MSRA: variants seen among roughly 807,000 people sequenced by gnomAD.
MSRA encodes mitochondrial peptide methionine sulfoxide reductase.
MSRA carries 54 observed loss-of-function variants against 31.3 expected under a neutral mutation model. The observed-to-expected ratio is 1.73, with a 90% CI of 1.39 to 2.17. The LOEUF is 2.17. Among genes scored for constraint, MSRA ranks in the 30% most tolerant of loss-of-function variants. MSRA has a pLI of 0.00. For synonymous variants in MSRA, 169 were observed against 116.5 expected (o/e 1.45, Z -2.90); for missense variants, 507 against 300.9 (o/e 1.69, Z -5.07).
At chr8:10,295,443 G>A (rs976005989) in intron 3 of MSRA, among the ~76,000 whole-genome samples, 5 of 152,128 alleles carry the variant, frequency 3.3e-5, no homozygotes, top group Non-Finnish European at 5.9e-5. Flanking sequence ...AGACCACGTG[G>A]GCCTAGACTG....
chr8:10,407,275 A>G (rs1289075194), intron 5 of MSRA, among the ~76,000 whole-genome samples: 1 of 152,216 alleles, frequency 6.6e-6, no homozygotes, highest in Non-Finnish European at 1.5e-5. Flanking sequence ...CGTTCTCACC[A>G]TCAGACTTTC....
chr8:10,213,394 G>A lies in MSRA; in HGVS notation c.211+5493G>A, dbSNP rs150528588. Among the ~76,000 whole-genome samples, 1,034 of 149,558 alleles carry A rather than the reference G, an allele frequency of 6.9e-3. 37 individuals carry two copies. Among genetic ancestry groups the A allele is most frequent in the Admixed American group, 0.061 (915 of 14,974 alleles). On this transcript the variant is annotated intron_variant, in intron 2 of 5. Coordinates refer to ENST00000317173, the MANE Select transcript of MSRA (RefSeq NM_012331.5). ...TGACAGGGTCTCATTCTGTTTTATGGCTGAGGAGTACTCCATTGTGTACAT... is the reference window on the plus strand; with the variant it reads ...TGACAGGGTCTCATTCTGTTTTATGACTGAGGAGTACTCCATTGTGTACAT...
chr8:10,181,708 C>G (rs1218937061), intron 1 of MSRA, among the ~76,000 whole-genome samples: 1 of 152,096 alleles, frequency 6.6e-6, no homozygotes, highest in East Asian at 1.9e-4. Context: ...GATGAACTTG[C>G]TGGGTCATGA....
chr8:10,195,036 G>C (rs28393341), intron 1 of MSRA, among the ~76,000 whole-genome samples: 6,474 of 152,136 alleles, frequency 0.043, 429 homozygotes, highest in African/African-American at 0.15. Context: ...TGTGTATCTG[G>C]TAGATAGTTT....
At chr8:10,201,763 G>A (rs1808522546) in intron 1 of MSRA, among the ~76,000 whole-genome samples, 1 of 152,210 alleles carries the variant, frequency 6.6e-6, no homozygotes, top group African/African-American at 2.4e-5. Context: ...CTTTGACCCA[G>A]TCTTGGTCTA....
chr8:10,317,994 T>C (rs1585451703), intron 4 of MSRA, among the ~76,000 whole-genome samples: 1 of 152,198 alleles, frequency 6.6e-6, no homozygotes, highest in Admixed American at 6.5e-5. Flanking sequence ...TCAGACCTTG[T>C]CCTGCCTCTT....
chr8:10,358,261 C>G (rs1242822505), intron 5 of MSRA, among the ~76,000 whole-genome samples: 1 of 152,146 alleles, frequency 6.6e-6, no homozygotes, highest in East Asian at 1.9e-4. Flanking sequence ...AATCTTGGTT[C>G]TTAAAGATAC....
chr8:10,233,656 T>C (rs1423757986), intron 2 of MSRA, among the ~76,000 whole-genome samples: 1 of 152,186 alleles, frequency 6.6e-6, no homozygotes, highest in Non-Finnish European at 1.5e-5. Context: ...GAAGAATGTA[T>C]CTATCAATTA....
At chr8:10,087,406 G>A (rs540497372) in intron 1 of MSRA, among the ~76,000 whole-genome samples, 2 of 152,278 alleles carry the variant, frequency 1.3e-5, no homozygotes, top group African/African-American at 4.8e-5. Context: ...ATATCCCTTG[G>A]CTCATGCCTG....
chr8:10,220,052 C>T (rs1283477595), intron 2 of MSRA, among the ~76,000 whole-genome samples: 5 of 151,866 alleles, frequency 3.3e-5, no homozygotes, highest in Non-Finnish European at 5.9e-5. Context: ...ACCTTAGGCC[C>T]AAGTAGTGTG....
chr8:10,221,252 C>G (rs964127840), intron 2 of MSRA, among the ~76,000 whole-genome samples: 1 of 152,164 alleles, frequency 6.6e-6, no homozygotes, highest in Non-Finnish European at 1.5e-5. Context: ...TGACAAACAG[C>G]TTTTCAATTG....
chr8:10,364,844 C>T (rs956972661), intron 5 of MSRA, among the ~76,000 whole-genome samples: 1 of 152,162 alleles, frequency 6.6e-6, no homozygotes, highest in Non-Finnish European at 1.5e-5. Flanking sequence ...GATGTAGAAA[C>T]ATTGGAGTTG....
intron 3 of MSRA, among the ~76,000 whole-genome samples, chr8:10,293,891 C>T (rs1800386661): frequency 6.6e-6 from 1 of 152,176 alleles, no homozygotes; most frequent in African/African-American, 2.4e-5. Context: ...CAGTGGTTCA[C>T]AACCTTTCCT....
At chr8:10,259,070 G>A (rs1412793963) in intron 3 of MSRA, among the ~76,000 whole-genome samples, 1 of 150,754 alleles carries the variant, frequency 6.6e-6, no homozygotes, top group Non-Finnish European at 1.5e-5. Flanking sequence ...TCTTGCCACT[G>A]CACTCCAGCT....
chr8:10,349,078 C>T (rs150986497), intron 5 of MSRA, among the ~76,000 whole-genome samples: 6 of 152,176 alleles, frequency 3.9e-5, no homozygotes, highest in African/African-American at 9.6e-5. Context: ...TAATCATATG[C>T]GATACATCTA....
chr8:10,373,980 A>T (rs1193601303), intron 5 of MSRA, among the ~76,000 whole-genome samples: 2 of 152,184 alleles, frequency 1.3e-5, no homozygotes, highest in Non-Finnish European at 2.9e-5. Flanking sequence ...GGGCAGATGC[A>T]TGTCTCACTG....
chr8:10,326,719 T>G (rs1802382696), intron 5 of MSRA: 1 of 152,188 alleles, frequency 6.6e-6, no homozygotes, highest in Non-Finnish European at 1.5e-5. Flanking sequence ...CCTCAAATCT[T>G]TGGTGGAGTT....
At chr8:10,060,356 TC>T (rs1466306491) in intron 1 of MSRA, among the ~76,000 whole-genome samples, 1 of 152,186 alleles carries the variant, frequency 6.6e-6, no homozygotes, top group African/African-American at 2.4e-5. Flanking sequence ...AAGCAAGGTC[TC>T]AACAGTGTAT....
intron 3 of MSRA, among the ~76,000 whole-genome samples, chr8:10,254,579 C>G (rs1460530605): frequency 6.6e-6 from 1 of 152,194 alleles, no homozygotes; most frequent in Admixed American, 6.5e-5. Flanking sequence ...TGTCACAGTC[C>G]CATGAGATAG....
Sources: gnomAD v4.1 joint callset for allele counts (sites outside exome capture counted in the v4.1 genomes callset) on GRCh38, gnomAD v4.1.1 for gene constraint, MANE v1.5 for transcripts, NCBI Gene and HGNC (gene_info 2026-07-23, HGNC 2026-07-21) for gene names.